Variants in CNTN5 observed in about 807,000 individuals in gnomAD.
CNTN5 encodes the protein contactin-5.
A neutral mutation model predicts 129.1 loss-of-function variants in CNTN5; 77 were observed. That is an observed-to-expected ratio of 0.60 (90% confidence interval 0.50 to 0.72). The LOEUF is 0.72. Ranked by LOEUF, CNTN5 falls within the 30% of genes least tolerant of loss-of-function variation. The pLI is 0.00. For synonymous variants in CNTN5, 509 were observed against 465.6 expected (o/e 1.09, Z -1.20); for missense variants, 1,478 against 1,328.8 (o/e 1.11, Z -1.75).
intron 1 of CNTN5, among the ~76,000 whole-genome samples, chr11:99,238,105 T>C (rs541230209): frequency 2.0e-5 from 3 of 152,316 alleles, no homozygotes; most frequent in African/African-American, 7.2e-5. Flanking sequence ...TATAGCAATA[T>C]ATATTAGGGA....
intron 8 of CNTN5, among the ~76,000 whole-genome samples, chr11:99,986,029 CT>C (rs1169655334): frequency 1.3e-5 from 2 of 152,192 alleles, no homozygotes; most frequent in Non-Finnish European, 2.9e-5. Context: ...CTGAAAGCCT[CT>C]TTTCCATTCA....
chr11:99,525,443 A>C (rs527257234), intron 2 of CNTN5, among the ~76,000 whole-genome samples: 1 of 152,230 alleles, frequency 6.6e-6, no homozygotes, highest in Non-Finnish European at 1.5e-5. Flanking sequence ...TAGATTATGA[A>C]ATATACAAGG....
At chr11:99,110,370 T>C (rs1565325011) in intron 1 of CNTN5, among the ~76,000 whole-genome samples, 1 of 152,140 alleles carries the variant, frequency 6.6e-6, no homozygotes, top group Non-Finnish European at 1.5e-5. Context: ...TAGTATGGAA[T>C]ATCTCGCTTT....
At chr11:99,184,977 G>GAAACT (rs1294849744) in intron 1 of CNTN5, among the ~76,000 whole-genome samples, 1 of 92,594 alleles carries the variant, frequency 1.1e-5, no homozygotes, top group Non-Finnish European at 2.5e-5. Context: ...AGATGATAAA[G>GAAACT]AAACTTGAAC....
intron 18 of CNTN5, among the ~76,000 whole-genome samples, chr11:100,286,719 G>T (rs374395533): frequency 1.4e-5 from 2 of 147,130 alleles, no homozygotes; most frequent in African/African-American, 5.2e-5. Context: ...CCAAAGGAAC[G>T]CAGTTCCTCA....
At chr11:100,010,295 A>T (rs1308255732) in intron 9 of CNTN5, among the ~76,000 whole-genome samples, 1 of 152,122 alleles carries the variant, frequency 6.6e-6, no homozygotes, top group Non-Finnish European at 1.5e-5. Flanking sequence ...GTAACTACAG[A>T]AAGCAGCTAC....
intron 8 of CNTN5, among the ~76,000 whole-genome samples, chr11:99,992,808 G>A (rs139336845): frequency 3.3e-4 from 51 of 152,300 alleles, no homozygotes; most frequent in Non-Finnish European, 5.7e-4. Context: ...AGAGTAATGT[G>A]CTTTCAGCTG....
chr11:99,819,534 T>A lies in CNTN5; in HGVS notation c.56-10T>A. 3 of 1,586,440 alleles carry A rather than the reference T, an allele frequency of 1.9e-6. No homozygotes were observed. The highest frequency in any genetic ancestry group is 2.6e-6 in the Non-Finnish European group (3 of 1,160,142). On this transcript the variant is annotated splice_polypyrimidine_tract_variant and intron_variant, in intron 3 of 24. Coordinates refer to ENST00000524871, the MANE Select transcript of CNTN5 (RefSeq NM_014361.4). ...AAAATTCAGATTTTATTATATTTTT[T>A]CTCTTACAGAGTATTCAAAATCTCT... is the stretch of plus-strand genomic sequence containing the variant.
chr11:99,302,185 T>C (rs1319860907), intron 1 of CNTN5, among the ~76,000 whole-genome samples: 1 of 151,208 alleles, frequency 6.6e-6, no homozygotes, highest in Non-Finnish European at 1.5e-5. Context: ...GCAAGCTAAG[T>C]TAAAAGCAAG....
intron 3 of CNTN5, among the ~76,000 whole-genome samples, chr11:99,652,070 AT>A (rs909764704): frequency 1.3e-5 from 2 of 152,068 alleles, no homozygotes; most frequent in African/African-American, 4.8e-5. Context: ...TCTGTTGAGC[AT>A]CTCACAAGAC....
intron 3 of CNTN5, among the ~76,000 whole-genome samples, chr11:99,652,500 C>T (rs954706404): frequency 5.3e-5 from 8 of 151,998 alleles, no homozygotes; most frequent in African/African-American, 1.2e-4. Flanking sequence ...CACCGGAAAG[C>T]GGTATTACGA....
At chr11:100,164,114 A>T (rs1947543379) in intron 13 of CNTN5, among the ~76,000 whole-genome samples, 1 of 151,858 alleles carries the variant, frequency 6.6e-6, no homozygotes, top group South Asian at 2.1e-4. Context: ...TACTGTGAAC[A>T]TTCATAGATC....
intron 13 of CNTN5, among the ~76,000 whole-genome samples, chr11:100,142,045 C>T (rs1287328430): frequency 6.6e-6 from 1 of 152,086 alleles, no homozygotes; most frequent in East Asian, 1.9e-4. Flanking sequence ...CTGGGACACC[C>T]TTTGTCTCTT....
intron 3 of CNTN5, among the ~76,000 whole-genome samples, chr11:99,691,142 CTCT>C (rs1022337816): frequency 1.3e-5 from 2 of 150,696 alleles, no homozygotes; most frequent in South Asian, 2.1e-4. Flanking sequence ...TATGAATCTT[CTCT>C]TCTTCTTTAT....
At chr11:99,255,002 T>A (rs889343063) in intron 1 of CNTN5, among the ~76,000 whole-genome samples, 8 of 151,972 alleles carry the variant, frequency 5.3e-5, no homozygotes, top group Admixed American at 2.6e-4. Context: ...GGTTTAGCAA[T>A]GTTAAATTAT....
chr11:100,280,915 A>T, intron 18 of CNTN5, among the ~76,000 whole-genome samples: 1 of 152,156 alleles, frequency 6.6e-6, no homozygotes. Flanking sequence ...TAAGCCGGTA[A>T]TAACTTATCA....
In CNTN5 at chr11:99,956,891, C is replaced by A. The variant is rs766153259; in HGVS notation, c.759C>A (p.Asn253Lys). 1.2e-6 allele frequency: 2 copies of A among 1,613,840 alleles called. No individual in the cohort carries two copies. The highest frequency in any genetic ancestry group is 1.7e-6 in the Non-Finnish European group (2 of 1,179,824). Residue 253 changes from asparagine to lysine, a missense_variant, in exon 8 of 25, where the codon AAC becomes AAA. Asn to Lys is a moderately conservative substitution (Grantham distance 94). Coordinates refer to ENST00000524871, the MANE Select transcript of CNTN5 (RefSeq NM_014361.4). ...SRRFISQETG[N>K]LYISKVQTSD... The stretch of plus-strand genomic sequence containing the variant: ...GGTTCATCTCCCAGGAGACAGGCAA[C>A]CTTTATATTTCTAAAGTCCAAACAT...
chr11:100,005,259 T>C (rs1290894706), intron 9 of CNTN5, among the ~76,000 whole-genome samples: 1 of 152,148 alleles, frequency 6.6e-6, no homozygotes. Flanking sequence ...ATTTATGCCT[T>C]ATCCTGTCCC....
At chr11:99,450,388 A>G (rs1012389452) in intron 2 of CNTN5, among the ~76,000 whole-genome samples, 1 of 151,976 alleles carries the variant, frequency 6.6e-6, no homozygotes, top group Non-Finnish European at 1.5e-5. Flanking sequence ...ATGCCCAGTA[A>G]TGTTCTATAA....
Sources: allele counts gnomAD v4.1 joint callset (sites outside exome capture counted in the v4.1 genomes callset), GRCh38; gene constraint gnomAD v4.1.1; transcripts MANE v1.5; gene names NCBI Gene and HGNC (gene_info 2026-07-23, HGNC 2026-07-21).